POM121C: variants seen among roughly 807,000 people sequenced by gnomAD.
POM121C encodes the protein POM121 transmembrane nucleoporin C, also known as nuclear envelope pore membrane protein POM 121C.
Under a neutral mutation model 66.4 loss-of-function variants are expected in POM121C, and 20 were observed. The ratio of observed to expected loss-of-function variants is 0.30; its 90% CI spans 0.21 to 0.44. POM121C has a LOEUF of 0.44. POM121C is among the 20% of genes least tolerant of loss of function. POM121C has a pLI of 1.00. For synonymous variants in POM121C, 286 were observed against 528.0 expected (o/e 0.54, Z 6.28); for missense variants, 580 against 1,225.7 (o/e 0.47, Z 7.87).
chr7:75,423,943 G>C (rs1308270606), intron 12 of POM121C, 106 bp downstream of exon 12: 5 of 1,517,538 alleles, frequency 3.3e-6, no homozygotes, highest in South Asian at 2.4e-5. Context: ...GGGTGCGTTC[G>C]GCCTGCAGAG....
rs59483137 is a variant in POM121C, at chr7:75,468,313, C to CTTTTTT, written c.-152+6385_-152+6390dup. 2.0e-4 allele frequency among the ~76,000 whole-genome samples: 18 copies of CTTTTTT among 89,754 alleles called. 1 individual carries two copies. Among genetic ancestry groups the CTTTTTT allele is most frequent in the African/African-American group, 4.0e-4 (8 of 20,180 alleles). 58.9% of individuals were successfully genotyped at this position (89,754 alleles called of 152,430 possible). A position where few individuals can be genotyped will look rare whatever the true frequency, so the allele number is the denominator to read the frequency against. Reference sequence around the variant, plus strand: ...TCTGTTTCCACATTGAAGACTCCAGCTTTTTTTTTTTTTTTTTTTTTTTTG... The same window carrying CTTTTTT: ...TCTGTTTCCACATTGAAGACTCCAGCTTTTTTTTTTTTTTTTTTTTTTTTTTTTTTG... On this transcript the variant is annotated intron_variant, in intron 3 of 14. Transcript: ENST00000615331.
intron 1 of POM121C, among the ~76,000 whole-genome samples, chr7:75,485,320 C>T (rs1433377253): frequency 6.6e-6 from 1 of 151,956 alleles, no homozygotes; most frequent in Non-Finnish European, 1.5e-5. Flanking sequence ...AACTAGGATA[C>T]GGGAGAAAGA....
chr7:75,420,200 C>A (rs1181008484), intron 13 of POM121C: 1 of 152,192 alleles, frequency 6.6e-6, no homozygotes, highest in Non-Finnish European at 1.5e-5. Flanking sequence ...GTCCTCTCAG[C>A]CCCTCGGCCC....
chr7:75,424,672 G>A (rs587776072), intron 10 of POM121C, 44 bp from the exon 11 acceptor site: 27 of 1,609,160 alleles, frequency 1.7e-5, no homozygotes, highest in African/African-American at 9.3e-5. Context: ...CAGAAAAAAC[G>A]GGAAGGCTGG....
chr7:75,442,749 A>G, intron 3 of POM121C: 2 of 1,338,342 alleles, frequency 1.5e-6, no homozygotes, highest in Non-Finnish European at 1.9e-6. Context: ...GGAGACTTAA[A>G]TATCCCAGCG....
In POM121C at chr7:75,421,634, C is replaced by A. The variant is rs1584643573; in HGVS notation, c.2618G>T (p.Gly873Val). ...GAAGGGGGTGGAGGTGGCTGTGCTC[C>A]CACTCTGTCCTGCTCCAAAGCTGAA... is the stretch of plus-strand genomic sequence containing the variant. ...GAFSFGAGQS[G>V]STATSTPFTG... Residue 873 changes from glycine (G) to valine (V), a missense_variant, in exon 13 of 15, where the codon GGG becomes GTG. Gly to Val is a moderately radical substitution (Grantham distance 109, BLOSUM62 -3). Transcript: ENST00000615331. 1 of 1,613,520 alleles carries A rather than the reference C, an allele frequency of 6.2e-7. No individual in the cohort carries two copies. The highest frequency in any genetic ancestry group is 1.1e-5 in the South Asian group (1 of 91,040).
chr7:75,461,382 T>C (rs1359027441), intron 3 of POM121C, among the ~76,000 whole-genome samples: 1 of 152,144 alleles, frequency 6.6e-6, no homozygotes, highest in South Asian at 2.1e-4. Flanking sequence ...TCTTTGCCCA[T>C]GGAAGATTCA....
chr7:75,456,990 T>TACAA (rs1791243934), intron 3 of POM121C, among the ~76,000 whole-genome samples: 1 of 148,522 alleles, frequency 6.7e-6, no homozygotes, highest in Admixed American at 6.8e-5. Flanking sequence ...CTACTGCTAA[T>TACAA]ACAAACATGA....
intron 1 of POM121C, among the ~76,000 whole-genome samples, chr7:75,482,378 C>G (rs1554480265): frequency 6.6e-6 from 1 of 152,108 alleles, no homozygotes; most frequent in East Asian, 1.9e-4. Context: ...GAGTTTGAGA[C>G]CAGCCTGAGC....
At chr7:75,424,336 T>C in intron 11 of POM121C, 111 bp from the exon 12 acceptor site, 2 of 1,320,926 alleles carry the variant, frequency 1.5e-6, no homozygotes, top group Non-Finnish European at 2.1e-6. Flanking sequence ...CTGCCCTAAA[T>C]TGCAGTAGTC....
intron 3 of POM121C, among the ~76,000 whole-genome samples, chr7:75,467,531 C>CAA (rs58341825): frequency 0.39 from 25,379 of 64,910 alleles, 6,193 homozygotes; most frequent in East Asian, 0.78. Context: ...GATTCTGTCT[C>CAA]AAAAAAAAAA....
Position 75,473,687 on chromosome 7 carries a change from T to G in POM121C, c.-152+1017A>C, listed in dbSNP as rs75223623. ...AGGTTTTTTTTTGTTTGTTTGTTTG[T>G]TTGTTTTTTTGTTTTTTTTGAGACG... On this transcript the variant is annotated intron_variant, in intron 3 of 14. Coordinates refer to ENST00000615331, the MANE Select transcript of POM121C (RefSeq NM_001099415.3). 5.4e-5 allele frequency among the ~76,000 whole-genome samples: 8 copies of G among 147,674 alleles called. No homozygotes were observed. In the East Asian group the frequency reaches 1.4e-3, roughly 26 times the overall value.
At chr7:75,436,972 T>G (rs1483307067) in intron 7 of POM121C, among the ~76,000 whole-genome samples, 3 of 152,190 alleles carry the variant, frequency 2.0e-5, no homozygotes, top group Non-Finnish European at 4.4e-5. Flanking sequence ...CCTGCTCTGT[T>G]CCTTATACTA....
intron 5 of POM121C, 92 bp from the exon 6 acceptor site, chr7:75,439,316 C>A: frequency 6.6e-7 from 1 of 1,522,394 alleles, no homozygotes; most frequent in African/African-American, 1.4e-5. Context: ...CTTATACTAT[C>A]TCTATGGAGC....
chr7:75,432,324 T>C (rs1790215684), intron 7 of POM121C, among the ~76,000 whole-genome samples: 1 of 152,130 alleles, frequency 6.6e-6, no homozygotes, highest in African/African-American at 2.4e-5. Context: ...AAATGTCCAA[T>C]GGCAGAATGG....
At chr7:75,476,983 G>T (rs1792105599) in intron 1 of POM121C, among the ~76,000 whole-genome samples, 2 of 151,698 alleles carry the variant, frequency 1.3e-5, no homozygotes, top group South Asian at 4.2e-4. Flanking sequence ...GAAACTGATG[G>T]ATACTTCATT....
At chr7:75,468,509 G>C (rs1282609460) in intron 3 of POM121C, among the ~76,000 whole-genome samples, 4 of 151,894 alleles carry the variant, frequency 2.6e-5, no homozygotes, top group African/African-American at 9.7e-5. Flanking sequence ...AGTAGAGACA[G>C]GATTTCGCCA....
At chr7:75,426,797 C>CAAAAAAAA (rs543569250) in intron 7 of POM121C, among the ~76,000 whole-genome samples, 10 of 61,070 alleles carry the variant, frequency 1.6e-4, no homozygotes, top group Non-Finnish European at 2.1e-4. Flanking sequence ...GACCCTGTCT[C>CAAAAAAAA]AAAAAAAAAA....
intron 1 of POM121C, among the ~76,000 whole-genome samples, chr7:75,484,041 G>C (rs1485017295): frequency 6.6e-6 from 1 of 151,564 alleles, no homozygotes; most frequent in Non-Finnish European, 1.5e-5. Context: ...GGTGGAGGTT[G>C]CAGTGAAGCG....
Sources: gnomAD v4.1 joint callset for allele counts (sites outside exome capture counted in the v4.1 genomes callset) on GRCh38, gnomAD v4.1.1 for gene constraint, MANE v1.5 for transcripts, NCBI Gene and HGNC (gene_info 2026-07-23, HGNC 2026-07-21) for gene names.